The following MYO9A variants were observed in gnomAD, a reference collection of about 807,000 sequenced individuals.
MYO9A encodes unconventional myosin-IXa.
MYO9A carries 103 observed loss-of-function variants against 293.3 expected under a neutral mutation model. The ratio of observed to expected loss-of-function variants is 0.35; its 90% confidence interval spans 0.30 to 0.41. The LOEUF (loss-of-function observed/expected upper bound fraction) is 0.41. Among genes scored for constraint, MYO9A ranks in the 10% least tolerant of loss-of-function variants. The pLI is 1.00. For missense variants in MYO9A, 2,685 were observed against 3,033.0 expected, an observed-to-expected ratio of 0.89 and a Z score of 2.69; for synonymous variants, 1,001 against 1,035.7, an observed-to-expected ratio of 0.97 and a Z score of 0.64.
intron 8 of MYO9A, 123 bp from the exon 9 acceptor site, chr15:72,000,063 A>C: frequency 3.0e-6 from 2 of 659,200 alleles, no homozygotes; most frequent in South Asian, 4.9e-5. Context: ...GCAGAGAAAA[A>C]AGGCAATACA....
At chr15:71,938,581 G>A (rs2058695740) in intron 16 of MYO9A, among the ~76,000 whole-genome samples, 1 of 151,904 alleles carries the variant, frequency 6.6e-6, no homozygotes, top group Non-Finnish European at 1.5e-5. Context: ...ATGCAAGAAG[G>A]GTCTCAGCAA....
At position 71,851,274 on chromosome 15, in the gene MYO9A, C is replaced by T. The variant is rs1290735091; in HGVS notation, c.6560G>A (p.Arg2187His). 6.8e-6 allele frequency: 11 copies of T among 1,613,430 alleles called. No homozygotes were observed. The highest frequency in any genetic ancestry group is 2.2e-5 in the East Asian group (1 of 44,874). The change falls in exon 37 of 42, where the codon CGC (arginine) becomes CAC (histidine). Residue 2187 changes from arginine to histidine, a missense_variant. This residue lies in a region of MYO9A where 238 missense variants were observed against 269.1 expected (regional missense o/e 0.88). Transcript: ENST00000356056. ...LSRTHLNTLERLIFHLVRIAL... is the reference protein window; with the variant it reads ...LSRTHLNTLEHLIFHLVRIAL... The stretch of plus-strand genomic sequence containing the variant: ...TTACCTGACTAGATGAAAGATGAGG[C>T]GTTCCAGTGTATTGAGATGAGTTCG...
intron 34 of MYO9A, 92 bp from the exon 35 acceptor site, chr15:71,854,661 C>T (rs2055792915): frequency 5.7e-6 from 6 of 1,051,760 alleles, no homozygotes; most frequent in Non-Finnish European, 8.0e-6. Context: ...TTTTTTATTT[C>T]TCTGAAGTTT....
chr15:72,077,063 T>C (rs2079376071), intron 1 of MYO9A, among the ~76,000 whole-genome samples: 2 of 151,804 alleles, frequency 1.3e-5, no homozygotes, highest in South Asian at 4.1e-4. Context: ...CTTACACGTT[T>C]CACCAAAAAT....
intron 39 of MYO9A, among the ~76,000 whole-genome samples, chr15:71,844,837 C>T (rs149239792): frequency 6.6e-6 from 1 of 152,204 alleles, no homozygotes; most frequent in African/African-American, 2.4e-5. Context: ...TTTAGTAAAC[C>T]TGATGACTAT....
rs28690018 is a variant in MYO9A, at chr15:71,861,097, G to T, written c.6092-1301C>A. Among the ~76,000 whole-genome samples the T allele has an allele frequency of 5.6e-3, 852 of 151,646 alleles. 10 individuals are homozygous for T. Among genetic ancestry groups the T allele is most frequent in the African/African-American group, 0.02 (806 of 41,328 alleles). On this transcript the variant is annotated intron_variant, in intron 33 of 41. Coordinates refer to ENST00000356056, the MANE Select transcript of MYO9A (RefSeq NM_006901.4). ...ACAAGAATCATAGTTACACTAAAGG[G>T]TCAAATACATTACAAACTACTTCCT... is the stretch of plus-strand genomic sequence containing the variant.
At position 71,955,236 on chromosome 15, in the gene MYO9A, T is replaced by C. The variant is rs544385999; in HGVS notation, c.2183-3340A>G. 5.3e-5 allele frequency among the ~76,000 whole-genome samples: 8 copies of C among 152,152 alleles called. 1 individual carries two copies. The South Asian group carries it at 1.7e-3, about 32-fold the overall frequency. On this transcript the variant is annotated intron_variant, in intron 14 of 41. Coordinates refer to ENST00000356056, the MANE Select transcript of MYO9A (RefSeq NM_006901.4). Reference sequence around the variant, plus strand: ...TCCACCTCCTGGATTCAAGCTATTCTCCTGCCTCAGCTTCCCAAGTAGCTG... The same window carrying C: ...TCCACCTCCTGGATTCAAGCTATTCCCCTGCCTCAGCTTCCCAAGTAGCTG...
intron 1 of MYO9A, among the ~76,000 whole-genome samples, chr15:72,072,192 C>T (rs932013717): frequency 5.3e-5 from 8 of 151,666 alleles, no homozygotes; most frequent in Non-Finnish European, 7.4e-5. Context: ...GGTGCAGTGC[C>T]GTGATCTCAG....
chr15:72,067,729 T>G (rs1416358806), intron 1 of MYO9A, among the ~76,000 whole-genome samples: 1 of 152,182 alleles, frequency 6.6e-6, no homozygotes, highest in Non-Finnish European at 1.5e-5. Context: ...CCACAAGACA[T>G]ATTTCTATTG....
intron 13 of MYO9A, among the ~76,000 whole-genome samples, chr15:71,962,828 A>T (rs2147087471): frequency 6.6e-6 from 1 of 152,324 alleles, no homozygotes; most frequent in African/African-American, 2.4e-5. Context: ...ATTCTTTTCA[A>T]TGCTGACTGT....
intron 18 of MYO9A, among the ~76,000 whole-genome samples, chr15:71,928,680 T>C (rs960003961): frequency 1.2e-4 from 19 of 152,222 alleles, no homozygotes; most frequent in South Asian, 2.1e-4. Context: ...TACTATAAAA[T>C]AGTTTATATT....
intron 28 of MYO9A, among the ~76,000 whole-genome samples, chr15:71,882,031 A>G (rs926875161): frequency 2.0e-5 from 3 of 152,062 alleles, no homozygotes; most frequent in African/African-American, 7.2e-5. Context: ...GGGTCTAACT[A>G]CCTTTCCACC....
intron 13 of MYO9A, among the ~76,000 whole-genome samples, chr15:71,964,388 T>C (rs1294698640): frequency 1.3e-5 from 2 of 152,164 alleles, no homozygotes; most frequent in African/African-American, 4.8e-5. Flanking sequence ...GGCTCACACC[T>C]GTAATCCCAG....
chr15:71,950,683 C>T (rs544356643), intron 15 of MYO9A, among the ~76,000 whole-genome samples: 29 of 152,164 alleles, frequency 1.9e-4, no homozygotes, highest in Non-Finnish European at 3.5e-4. Flanking sequence ...ACACATTACA[C>T]ACTTTTGTTT....
intron 11 of MYO9A, among the ~76,000 whole-genome samples, chr15:71,990,767 A>AC (rs2076523907): frequency 6.6e-6 from 1 of 151,784 alleles, no homozygotes; most frequent in Admixed American, 6.6e-5. Context: ...AAAAAAAAAA[A>AC]AAAGACAAGA....
At chr15:71,870,474 GATAAA>G (rs1345030664) in intron 32 of MYO9A, among the ~76,000 whole-genome samples, 1 of 152,072 alleles carries the variant, frequency 6.6e-6, no homozygotes, top group Non-Finnish European at 1.5e-5. Context: ...ATATATATTT[GATAAA>G]ATAAAAAGTA....
intron 9 of MYO9A, among the ~76,000 whole-genome samples, chr15:71,998,436 G>A (rs2076764388): frequency 6.6e-6 from 1 of 151,384 alleles, no homozygotes; most frequent in Non-Finnish European, 1.5e-5. Flanking sequence ...CTATACCCCG[G>A]AACTTAAAAG....
chr15:72,021,724 C>T (rs1423224315), intron 4 of MYO9A, among the ~76,000 whole-genome samples: 3 of 152,098 alleles, frequency 2.0e-5, no homozygotes. Context: ...ATAGGCTAAC[C>T]AAGAAACTTA....
At chr15:72,038,884 G>A (rs967221982) in intron 2 of MYO9A, among the ~76,000 whole-genome samples, 2 of 151,880 alleles carry the variant, frequency 1.3e-5, no homozygotes, top group East Asian at 1.9e-4. Flanking sequence ...TACTTCATTC[G>A]TTTCTGCATT....
Sources: gnomAD v4.1 joint callset for allele counts (sites outside exome capture counted in the v4.1 genomes callset) on GRCh38, gnomAD v4.1.1 for gene constraint, gnomAD v4.1.1 regional missense constraint, MANE v1.5 for transcripts, NCBI Gene and HGNC (gene_info 2026-07-23, HGNC 2026-07-21) for gene names.